Variants in ATP10B observed in about 807,000 individuals in gnomAD.
ATP10B encodes phospholipid-transporting ATPase VB.
A neutral mutation model predicts 141.2 loss-of-function variants in ATP10B; 122 were observed. That is an observed-to-expected ratio of 0.86 (90% CI 0.75 to 1.00). ATP10B has a LOEUF of 1.00. Ranked by LOEUF, ATP10B falls within the 50% of genes least tolerant of loss-of-function variation. ATP10B has a pLI of 0.00. For synonymous variants in ATP10B, 685 were observed against 692.0 expected (o/e 0.99, Z 0.16); for missense variants, 1,876 against 1,825.3 (o/e 1.03, Z -0.51).
In ATP10B at chr5:160,830,641, T is replaced by G. The variant is rs546908587; in HGVS notation, c.-576+21300A>C. 8.5e-5 allele frequency among the ~76,000 whole-genome samples: 13 copies of G among 152,200 alleles called. No individual in the cohort carries two copies. In the South Asian group the frequency reaches 2.7e-3, roughly 32 times the overall value. ...TATGTTCATTAGAAATTGAGCCAAA[T>G]TTTTATGTATGAAACTCTGGATTTT... On this transcript the variant is annotated intron_variant, in intron 1 of 25. Transcript: ENST00000327245.
chr5:160,583,327 C>T (rs562892297), intron 24 of ATP10B, among the ~76,000 whole-genome samples: 16 of 152,194 alleles, frequency 1.1e-4, no homozygotes, highest in South Asian at 8.3e-4. Flanking sequence ...TTCCTTCTAA[C>T]AGTCAGGCCT....
intron 10 of ATP10B, chr5:160,638,995 C>T (rs1029794409): frequency 2.0e-5 from 3 of 152,474 alleles, no homozygotes; most frequent in African/African-American, 7.2e-5. Flanking sequence ...CAGACTGGCT[C>T]AGCTTTGGTC....
chr5:160,826,862 G>T (rs1473309953), intron 1 of ATP10B, among the ~76,000 whole-genome samples: 1 of 152,128 alleles, frequency 6.6e-6, no homozygotes, highest in Non-Finnish European at 1.5e-5. Context: ...GGCTTACTAG[G>T]ATTGGGAAAT....
At chr5:160,775,516 A>C (rs1326969581) in intron 2 of ATP10B, among the ~76,000 whole-genome samples, 1 of 152,074 alleles carries the variant, frequency 6.6e-6, no homozygotes, top group East Asian at 1.9e-4. Context: ...CAGCACTGAC[A>C]TAACTTTTTG....
chr5:160,795,218 C>G (rs2127917475), intron 1 of ATP10B, among the ~76,000 whole-genome samples: 1 of 152,302 alleles, frequency 6.6e-6, no homozygotes, highest in South Asian at 2.1e-4. Flanking sequence ...TGAGCTGAGT[C>G]TCAAACAGGA....
chr5:160,580,000 TG>T (rs1286207234), intron 24 of ATP10B, among the ~76,000 whole-genome samples: 1 of 152,226 alleles, frequency 6.6e-6, no homozygotes, highest in Non-Finnish European at 1.5e-5. Context: ...TTGTGATTTT[TG>T]TACATTGATT....
At chr5:160,817,550 T>C (rs1339673660) in intron 1 of ATP10B, among the ~76,000 whole-genome samples, 1 of 152,094 alleles carries the variant, frequency 6.6e-6, no homozygotes, top group African/African-American at 2.4e-5. Context: ...GAAGAATCAA[T>C]ATCATGTAAA....
intron 19 of ATP10B, among the ~76,000 whole-genome samples, chr5:160,606,109 T>C (rs888817715): frequency 2.0e-5 from 3 of 152,308 alleles, no homozygotes; most frequent in South Asian, 4.1e-4. Context: ...ATAAGAGATA[T>C]GGCTGAGGGT....
chr5:160,624,546 C>A (rs1758514405), intron 13 of ATP10B, among the ~76,000 whole-genome samples: 1 of 152,204 alleles, frequency 6.6e-6, no homozygotes, highest in Non-Finnish European at 1.5e-5. Flanking sequence ...ATTGTGTGAA[C>A]CATCCATACC....
chr5:160,860,452 C>G, the ATP10B span, among the ~76,000 whole-genome samples: 1 of 151,636 alleles, frequency 6.6e-6, no homozygotes, highest in Non-Finnish European at 1.5e-5. Flanking sequence ...TTGGTTCTTC[C>G]TCTAGATACA....
intron 1 of ATP10B, among the ~76,000 whole-genome samples, chr5:160,816,409 G>A (rs1773629732): frequency 6.6e-6 from 1 of 152,022 alleles, no homozygotes; most frequent in Admixed American, 6.6e-5. Flanking sequence ...TAGAAGAAAT[G>A]GATAAATTCC....
At chr5:160,742,745 G>A (rs1767563335) in intron 2 of ATP10B, among the ~76,000 whole-genome samples, 1 of 152,152 alleles carries the variant, frequency 6.6e-6, no homozygotes, top group African/African-American at 2.4e-5. Flanking sequence ...AGTTGTTTAG[G>A]GAATTTGGGG....
chr5:160,572,124 A>C (rs1754911606), intron 24 of ATP10B, among the ~76,000 whole-genome samples: 1 of 152,114 alleles, frequency 6.6e-6, no homozygotes, highest in African/African-American at 2.4e-5. Context: ...TTGTTTCTCT[A>C]GCATCTCCTT....
chr5:160,629,477 G>T (rs570289193), intron 13 of ATP10B, among the ~76,000 whole-genome samples: 1 of 152,252 alleles, frequency 6.6e-6, no homozygotes, highest in African/African-American at 2.4e-5. Context: ...AGAATTATCA[G>T]AAATTAAAAT....
At chr5:160,577,527 T>C (rs1755268737) in intron 24 of ATP10B, among the ~76,000 whole-genome samples, 3 of 152,228 alleles carry the variant, frequency 2.0e-5, no homozygotes, top group Admixed American at 1.3e-4. Context: ...CAGATCATTA[T>C]TGATTTTCTG....
rs183391852 is a variant in ATP10B, at chr5:160,755,152, T to C, written c.-331+30407A>G. ...GGAGGCCTCAAGAAACTTACAATCA[T>C]GGCAGAAGGTGAAGGGGAAGCAAGC... On this transcript the variant is annotated intron_variant, in intron 2 of 25. Coordinates refer to ENST00000327245, the MANE Select transcript of ATP10B (RefSeq NM_025153.3). Among the ~76,000 whole-genome samples, 118 of 152,270 alleles carry C rather than the reference T, an allele frequency of 7.7e-4. 1 individual carries two copies. The East Asian group carries it at 0.02, about 26-fold the overall frequency.
intron 7 of ATP10B, among the ~76,000 whole-genome samples, chr5:160,663,687 C>G (rs1762127936): frequency 6.6e-6 from 1 of 151,312 alleles, no homozygotes; most frequent in African/African-American, 2.4e-5. Flanking sequence ...ATACCTAATG[C>G]TAAATGACGA....
At chr5:160,776,816 T>C (rs1770361830) in intron 2 of ATP10B, among the ~76,000 whole-genome samples, 1 of 152,192 alleles carries the variant, frequency 6.6e-6, no homozygotes, top group African/African-American at 2.4e-5. Flanking sequence ...GAGGCTGAGA[T>C]TTCTCTGTGT....
chr5:160,832,459 G>A (rs1465057428), intron 1 of ATP10B, among the ~76,000 whole-genome samples: 1 of 151,982 alleles, frequency 6.6e-6, no homozygotes, highest in African/African-American at 2.4e-5. Flanking sequence ...TTAAGTTGTA[G>A]AGAGAGTATA....
Sources: allele counts gnomAD v4.1 joint callset (sites outside exome capture counted in the v4.1 genomes callset), GRCh38; gene constraint gnomAD v4.1.1; transcripts MANE v1.5; gene names NCBI Gene and HGNC (gene_info 2026-07-23, HGNC 2026-07-21).